The following STEAP1B variants were observed in gnomAD, a reference collection of about 807,000 sequenced individuals.
The protein encoded by STEAP1B is STEAP family member 1B.
A neutral mutation model predicts 27.9 loss-of-function variants in STEAP1B; 13 were observed. The ratio of observed to expected loss-of-function variants is 0.47; its 90% CI spans 0.30 to 0.74. The LOEUF (loss-of-function observed/expected upper bound fraction) is 0.74, where lower values mean the gene tolerates loss of function less well. Among genes scored for constraint, STEAP1B ranks in the 30% least tolerant of loss-of-function variants. The pLI, the probability that STEAP1B is intolerant of heterozygous loss-of-function variation, is 0.06. For synonymous variants in STEAP1B, 86 were observed against 107.1 expected (o/e 0.80, Z 1.22); for missense variants, 250 against 298.7 (o/e 0.84, Z 1.20).
intron 4 of STEAP1B, among the ~76,000 whole-genome samples, chr7:22,466,750 CT>C (rs1263407188): frequency 2.0e-5 from 3 of 152,174 alleles, no homozygotes; most frequent in African/African-American, 7.2e-5. Flanking sequence ...ACATTTCCAT[CT>C]TAAAGTAAGA....
intron 4 of STEAP1B, among the ~76,000 whole-genome samples, chr7:22,484,741 GGAAA>G (rs921570199): frequency 6.6e-6 from 1 of 152,168 alleles, no homozygotes; most frequent in Non-Finnish European, 1.5e-5. Flanking sequence ...AGAATCTTCT[GGAAA>G]GATTTACCAT....
intron 4 of STEAP1B, among the ~76,000 whole-genome samples, chr7:22,485,447 T>A (rs1291362811): frequency 6.6e-6 from 1 of 152,234 alleles, no homozygotes; most frequent in Non-Finnish European, 1.5e-5. Context: ...TTTTTAGACA[T>A]GATGTTATTG....
intron 4 of STEAP1B, among the ~76,000 whole-genome samples, chr7:22,432,088 G>A (rs1785194559): frequency 1.3e-5 from 2 of 152,108 alleles, no homozygotes; most frequent in African/African-American, 4.8e-5. Context: ...CAGTGGGATT[G>A]GTGTCCTTAT....
chr7:22,493,115 A>G (rs942554600), intron 3 of STEAP1B, among the ~76,000 whole-genome samples: 1 of 152,196 alleles, frequency 6.6e-6, no homozygotes, highest in African/African-American at 2.4e-5. Flanking sequence ...CTAAAGTTGT[A>G]CCTTATTTTC....
Position 22,493,577 on chromosome 7 carries a change from T to G in STEAP1B, c.344A>C (p.Asn115Thr). The G allele has an allele frequency of 6.2e-7, 1 of 1,613,944 alleles. No homozygotes were observed. The highest frequency in any genetic ancestry group is 8.5e-7 in the Non-Finnish European group (1 of 1,179,856). The stretch of plus-strand genomic sequence containing the variant: ...GATGGAAACCATTGGCAAGACTTTG[T>G]TGATGACCAGGATTGGAATTTTATA... The part of the protein sequence containing the change: ...YFYKIPILVI[N>T]KVLPMVSITL... The change falls in exon 3 of 5, where the codon AAC becomes ACC. Residue 115 changes from asparagine to threonine, a missense_variant. Transcript: ENST00000678116.
intron 4 of STEAP1B, among the ~76,000 whole-genome samples, chr7:22,449,268 C>A (rs1441147880): frequency 6.6e-6 from 1 of 152,154 alleles, no homozygotes; most frequent in South Asian, 2.1e-4. Context: ...CATTAACCAT[C>A]CCCACCCCCT....
At chr7:22,471,893 CAAAAAAAAAA>C (rs59453902) in intron 4 of STEAP1B, among the ~76,000 whole-genome samples, 17 of 60,178 alleles carry the variant, frequency 2.8e-4, no homozygotes, top group Non-Finnish European at 3.9e-4. Context: ...AACCTGTCTC[CAAAAAAAAAA>C]AAAAAAAAAA....
chr7:22,446,243 C>T (rs1478712554), intron 4 of STEAP1B, among the ~76,000 whole-genome samples: 7 of 152,228 alleles, frequency 4.6e-5, no homozygotes, highest in Non-Finnish European at 8.8e-5. Context: ...CGGTCCCTAC[C>T]CTCTGAGATC....
At chr7:22,466,464 T>C (rs551274911) in intron 4 of STEAP1B, among the ~76,000 whole-genome samples, 10 of 150,084 alleles carry the variant, frequency 6.7e-5, no homozygotes, top group African/African-American at 2.0e-4. Flanking sequence ...TGTATGACCA[T>C]GTGATGAGGC....
chr7:22,468,112 T>C (rs755763909), intron 4 of STEAP1B, among the ~76,000 whole-genome samples: 8 of 152,246 alleles, frequency 5.3e-5, no homozygotes, highest in Non-Finnish European at 5.9e-5. Context: ...TATTTTTATT[T>C]GCTAAATTCA....
chr7:22,481,148 C>T (rs909971060), intron 4 of STEAP1B, among the ~76,000 whole-genome samples: 8 of 152,198 alleles, frequency 5.3e-5, no homozygotes, highest in African/African-American at 1.4e-4. Flanking sequence ...TAGTGGCTGA[C>T]CTTGAATCCA....
At chr7:22,475,775 G>C (rs1785961170) in intron 4 of STEAP1B, among the ~76,000 whole-genome samples, 1 of 152,198 alleles carries the variant, frequency 6.6e-6, no homozygotes, top group African/African-American at 2.4e-5. Context: ...TCCCTGGCCA[G>C]TCCTGTGGAA....
intron 4 of STEAP1B, among the ~76,000 whole-genome samples, chr7:22,482,761 T>A (rs1436502388): frequency 2.0e-5 from 3 of 152,140 alleles, no homozygotes; most frequent in Non-Finnish European, 4.4e-5. Flanking sequence ...GAGTGGGGCC[T>A]CTCTGGGGTC....
At chr7:22,469,296 G>A (rs931238306) in intron 4 of STEAP1B, among the ~76,000 whole-genome samples, 4 of 152,152 alleles carry the variant, frequency 2.6e-5, no homozygotes, top group Non-Finnish European at 4.4e-5. Flanking sequence ...TTATACAGCT[G>A]TACAGCATGT....
chr7:22,475,572 G>A (rs1785956469), intron 4 of STEAP1B, among the ~76,000 whole-genome samples: 1 of 152,218 alleles, frequency 6.6e-6, no homozygotes, highest in African/African-American at 2.4e-5. Flanking sequence ...GCCTTGCTAT[G>A]TTGCCCAGGC....
chr7:22,449,631 A>G (rs1228901903), intron 4 of STEAP1B, among the ~76,000 whole-genome samples: 1 of 152,224 alleles, frequency 6.6e-6, no homozygotes, highest in Non-Finnish European at 1.5e-5. Flanking sequence ...TCTTTGATAT[A>G]GTAATTTCCT....
chr7:22,479,224 G>A (rs565702866), intron 4 of STEAP1B, among the ~76,000 whole-genome samples: 1 of 152,272 alleles, frequency 6.6e-6, no homozygotes, highest in South Asian at 2.1e-4. Context: ...CATAAACCAG[G>A]GTGGGGAATG....
At chr7:22,470,269 A>G (rs1012738892) in intron 4 of STEAP1B, among the ~76,000 whole-genome samples, 4 of 152,228 alleles carry the variant, frequency 2.6e-5, no homozygotes, top group African/African-American at 9.6e-5. Context: ...TCGAAAGAGC[A>G]CAGGAGCCAC....
intron 4 of STEAP1B, among the ~76,000 whole-genome samples, chr7:22,424,499 T>C (rs970180396): frequency 1.3e-5 from 2 of 152,174 alleles, no homozygotes; most frequent in African/African-American, 2.4e-5. Context: ...AGAACATTAT[T>C]TCATACTCAT....
Sources: gnomAD v4.1 joint callset for allele counts (sites outside exome capture counted in the v4.1 genomes callset) on GRCh38, gnomAD v4.1.1 for gene constraint, MANE v1.5 for transcripts, NCBI Gene and HGNC (gene_info 2026-07-23, HGNC 2026-07-21) for gene names.